MESP2: variants seen among roughly 807,000 people sequenced by gnomAD.
The protein encoded by MESP2 is mesoderm posterior bHLH transcription factor 2.
MESP2 carries 34 observed loss-of-function variants against 37.8 expected under a neutral mutation model. That is an observed-to-expected ratio of 0.90 (90% CI 0.68 to 1.20). The LOEUF (loss-of-function observed/expected upper bound fraction) is 1.20. Ranked by LOEUF, MESP2 falls within the 50% of genes most tolerant of loss-of-function variation. The pLI is 0.00. For synonymous variants in MESP2, 303 were observed against 251.6 expected (o/e 1.20, Z -1.93); for missense variants, 646 against 545.3 (o/e 1.18, Z -1.84).
rs76163582 is a variant in MESP2, at chr15:89,778,660, C to T, written c.*326C>T. 7.8e-3 allele frequency: 2,854 copies of T among 363,720 alleles called. 70 individuals carry two copies. Among genetic ancestry groups the T allele is most frequent in the African/African-American group, 0.055 (2,673 of 48,976 alleles). 22.5% of individuals were successfully genotyped at this position (363,720 alleles called of 1,614,324 possible). On this transcript the variant is annotated 3_prime_UTR_variant, in exon 2 of 2. Transcript: ENST00000341735. ...TGGGAGAATGGGTGTAGGAGGCAGG[C>T]CCCAGGCTCTGCTTCTTGGTGACAG...
intron 1 of MESP2, among the ~76,000 whole-genome samples, chr15:89,777,836 G>C (rs147621626): frequency 6.6e-6 from 1 of 152,286 alleles, no homozygotes; most frequent in African/African-American, 2.4e-5. Flanking sequence ...AGAAAACTGA[G>C]ACTAAAAGAA....
rs778162692 is a variant in MESP2, at chr15:89,777,056, C to G, written c.699C>G (p.Pro233=). 2.5e-6 allele frequency: 4 copies of G among 1,608,314 alleles called. No homozygotes were observed. The highest frequency in any genetic ancestry group is 3.4e-6 in the Non-Finnish European group (4 of 1,178,252). Residue 233 remains proline (P), a synonymous_variant, in exon 1 of 2, where the codon CCC becomes CCG. Coordinates refer to ENST00000341735, the MANE Select transcript of MESP2 (RefSeq NM_001039958.2). The part of the protein sequence containing the change: ...PSACPGAQAA[P]ERLGRGVHDT... The stretch of plus-strand genomic sequence containing the variant: ...CCTGCCCCGGAGCCCAAGCCGCACC[C>G]GAGCGCCTGGGGAGGGGGGTCCACG...
Position 89,777,285 on chromosome 15 carries a change from T to A in MESP2, c.924+4T>A, listed in dbSNP as rs919901592. On this transcript the variant is annotated splice_donor_region_variant and intron_variant, in intron 1 of 1. Transcript: ENST00000341735. ...GGAGCTGGCCGCAGTGTACCAGGTA[T>A]GTGTGGAGGCCCTTGCTGTGTTCCC... is the stretch of plus-strand genomic sequence containing the variant. The A allele has an allele frequency of 1.7e-5, 27 of 1,609,888 alleles. No homozygotes were observed. Among genetic ancestry groups the A allele is most frequent in the Non-Finnish European group, 2.2e-5 (26 of 1,178,796 alleles).
Position 89,776,502 on chromosome 15 carries a change from C to T in MESP2, c.145C>T (p.Arg49Cys), listed in dbSNP as rs934681838. The T allele has an allele frequency of 4.3e-5, 66 of 1,533,198 alleles. No individual in the cohort carries two copies. Among genetic ancestry groups the T allele is most frequent in the Non-Finnish European group, 5.6e-5 (64 of 1,145,782 alleles). The allele number at this position is 1,533,198 out of a possible 1,614,324, so 95.0% of individuals were successfully genotyped here. A position where few individuals can be genotyped will look rare whatever the true frequency, so the allele number is the denominator to read the frequency against. The change falls in exon 1 of 2, where the codon CGC becomes TGC. Residue 49 changes from arginine to cysteine, a missense_variant. By Grantham distance (180) the Arg-to-Cys change is radical. Transcript: ENST00000341735. ...GGGTTCGTGCCCCTGCGACGGCGCC[C>T]GCGGACTCCCGCAGCCACAGCCTCC... ...SSGSCPCDGA[R>C]GLPQPQPPSC... is the part of the protein sequence containing the mutation.
In MESP2 at chr15:89,777,099, A is replaced by G. The variant is rs749420045; in HGVS notation, c.742A>G (p.Thr248Ala). Residue 248 changes from threonine to alanine, a missense_variant, in exon 1 of 2, where the codon ACA becomes GCA. By Grantham distance (58) the Thr-to-Ala change is moderately conservative (BLOSUM62 0). Coordinates refer to ENST00000341735, the MANE Select transcript of MESP2 (RefSeq NM_001039958.2). ...RGVHDTDPWA[T>A]PPYCPKIQSP... ...GGTCCACGACACGGATCCCTGGGCA[A>G]CACCCCCTTACTGCCCCAAGATACA... The G allele has an allele frequency of 9.1e-5, 146 of 1,612,472 alleles. No individual in the cohort carries two copies. Among genetic ancestry groups the G allele is most frequent in the Non-Finnish European group, 1.2e-4 (141 of 1,179,892 alleles).
At chr15:89,777,994 C>G in intron 1 of MESP2, 71 bp from the exon 2 acceptor site, 7 of 1,604,134 alleles carry the variant, frequency 4.4e-6, no homozygotes, top group Non-Finnish European at 6.0e-6. Context: ...ACCATGGCAA[C>G]CAGCCAGATT....
intron 1 of MESP2, among the ~76,000 whole-genome samples, 200 bp from the exon 2 acceptor site, chr15:89,777,865 A>G (rs1968391446): frequency 6.6e-6 from 1 of 152,186 alleles, no homozygotes; most frequent in African/African-American, 2.4e-5. Flanking sequence ...AGTTCTCATT[A>G]CTAGTGAGTA....
Position 89,776,659 on chromosome 15 carries a change from T to C in MESP2, c.302T>C (p.Leu101Pro). Residue 101 changes from leucine to proline, a missense_variant, in exon 1 of 2, where the codon CTG becomes CCG. Transcript: ENST00000341735. The part of the protein sequence containing the change: ...KLRMRTLARA[L>P]HELRRFLPPS... The stretch of plus-strand genomic sequence containing the variant: ...CGCATGCGCACGCTGGCCCGCGCCC[T>C]GCACGAGTTGCGCCGCTTTCTGCCT... 2.6e-6 allele frequency: 4 copies of C among 1,535,546 alleles called. No individual in the cohort carries two copies. Among genetic ancestry groups the C allele is most frequent in the East Asian group, 2.6e-5 (1 of 39,200 alleles).
Position 89,776,818 on chromosome 15 carries a change from G to C in MESP2, c.461G>C (p.Gly154Ala), listed in dbSNP as rs1968372166. The C allele has an allele frequency of 1.4e-6, 2 of 1,465,488 alleles. No individual in the cohort carries two copies. Among genetic ancestry groups the C allele is most frequent in the South Asian group, 2.9e-5 (2 of 69,836 alleles). The allele number at this position is 1,465,488 out of a possible 1,614,324, so 90.8% of individuals were successfully genotyped here. A position where few individuals can be genotyped will look rare whatever the true frequency, so the allele number is the denominator to read the frequency against. The stretch of plus-strand genomic sequence containing the variant: ...CTGCAGTGCCGGCGCAGGCAGCGCG[G>C]GGACGCGGGGTCCCCTTGGGGCTGC... ...ESLQCRRRQR[G>A]DAGSPWGCPL... Residue 154 changes from glycine to alanine, a missense_variant, in exon 1 of 2, where the codon GGG becomes GCG. Physicochemically the swap from Gly to Ala is moderately conservative, Grantham distance 60 (BLOSUM62 0). Coordinates refer to ENST00000341735, the MANE Select transcript of MESP2 (RefSeq NM_001039958.2).
At position 89,778,003 on chromosome 15, in the gene MESP2, T is replaced by G; in HGVS notation, c.925-62T>G. The G allele has an allele frequency of 1.9e-6, 3 of 1,607,258 alleles. No homozygotes were observed. The Admixed American group carries it at 5.0e-5, about 27-fold the overall frequency. On this transcript the variant is annotated intron_variant, in intron 1 of 1. Transcript: ENST00000341735. ...AGCCATACCATGGCAACCAGCCAGA[T>G]TCAAGATCTCTGGATATCAGGGAGT...
In MESP2 at chr15:89,776,984, C is replaced by T; in HGVS notation, c.627C>T (p.Gly209=). 1.3e-6 allele frequency: 2 copies of T among 1,563,008 alleles called. No individual in the cohort carries two copies. Among genetic ancestry groups the T allele is most frequent in the Non-Finnish European group, 1.7e-6 (2 of 1,154,744 alleles). The stretch of plus-strand genomic sequence containing the variant: ...GGCAAGGGCAGGGGCGCAGGCCGGG[C>T]CTGGTCTCCGCCGTCCTCGCCGAGG... The part of the protein sequence containing the change: ...GQGQGQGRRP[G]LVSAVLAEAS... Residue 209 remains glycine (G), a synonymous_variant, in exon 1 of 2, where the codon GGC becomes GGT. Transcript: ENST00000341735.
At chr15:89,778,020 T>C (rs558760540) in intron 1 of MESP2, 45 bp from the exon 2 acceptor site, 1 of 1,611,334 alleles carries the variant, frequency 6.2e-7, no homozygotes, top group South Asian at 1.1e-5. Flanking sequence ...TCTCTGGATA[T>C]CAGGGAGTAG....
rs752785175 is a variant in MESP2, at chr15:89,777,034, GC to G, written c.681del (p.Gly228GlufsTer253). ...AEASWGSPSA[C>X]PGAQAAPERL... The stretch of plus-strand genomic sequence containing the variant: ...GCGTCCTGGGGATCCCCGTCCGCCT[GC>G]CCCGGAGCCCAAGCCGCACCCGAGC... On this transcript the variant is annotated frameshift_variant, in exon 1 of 2. Coordinates refer to ENST00000341735, the MANE Select transcript of MESP2 (RefSeq NM_001039958.2). LOFTEE classifies it high-confidence loss of function. 6.3e-7 allele frequency: 1 copy of G among 1,597,716 alleles called. No individual in the cohort carries two copies. Among genetic ancestry groups the G allele is most frequent in the Non-Finnish European group, 8.5e-7 (1 of 1,173,724 alleles).
Position 89,776,578 on chromosome 15 carries a change from C to T in MESP2, c.221C>T (p.Ala74Val). 1.3e-6 allele frequency: 2 copies of T among 1,530,970 alleles called. No homozygotes were observed. Among genetic ancestry groups the T allele is most frequent in the Non-Finnish European group, 8.7e-7 (1 of 1,144,910 alleles). 94.8% of individuals were successfully genotyped at this position (1,530,970 alleles called of 1,614,324 possible). A position where few individuals can be genotyped will look rare whatever the true frequency, so the allele number is the denominator to read the frequency against. Residue 74 changes from alanine to valine, a missense_variant, in exon 1 of 2, where the codon GCG becomes GTG. Coordinates refer to ENST00000341735, the MANE Select transcript of MESP2 (RefSeq NM_001039958.2). ...GCAGCCGCGACGACGCCCAGACGAGCGCGCACCGGACCAGCGGGCGGACAG... is the reference window on the plus strand; with the variant it reads ...GCAGCCGCGACGACGCCCAGACGAGTGCGCACCGGACCAGCGGGCGGACAG... ...AEAAATTPRR[A>V]RTGPAGGQRQ... is the part of the protein sequence containing the mutation.
Position 89,776,683 on chromosome 15 carries a change from C to A in MESP2, c.326C>A (p.Pro109His). ...RALHELRRFL[P>H]PSLAPAGQSL... Reference sequence around the variant, plus strand: ...CTGCACGAGTTGCGCCGCTTTCTGCCTCCCTCCTTGGCGCCGGCCGGCCAG... The same window carrying A: ...CTGCACGAGTTGCGCCGCTTTCTGCATCCCTCCTTGGCGCCGGCCGGCCAG... The change falls in exon 1 of 2, where the codon CCT (proline) becomes CAT (histidine). Residue 109 changes from proline (P) to histidine (H), a missense_variant. Transcript: ENST00000341735. The A allele has an allele frequency of 6.4e-7, 1 of 1,553,430 alleles. No homozygotes were observed. The highest frequency in any genetic ancestry group is 8.6e-7 in the Non-Finnish European group (1 of 1,156,492).
chr15:89,778,349 C>T lies in MESP2; in HGVS notation c.*15C>T. The T allele has an allele frequency of 1.9e-6, 3 of 1,613,002 alleles. No homozygotes were observed. Among genetic ancestry groups the T allele is most frequent in the African/African-American group, 1.3e-5 (1 of 75,064 alleles). On this transcript the variant is annotated 3_prime_UTR_variant, in exon 2 of 2. Coordinates refer to ENST00000341735, the MANE Select transcript of MESP2 (RefSeq NM_001039958.2). Reference sequence around the variant, plus strand: ...TCTTCTACTAAATGGCCTCGGCTTCCCTCTTTCCATCCAGGAATCAGTCCT... The same window carrying T: ...TCTTCTACTAAATGGCCTCGGCTTCTCTCTTTCCATCCAGGAATCAGTCCT...
At position 89,777,019 on chromosome 15, in the gene MESP2, G is replaced by A. The variant is rs763014555; in HGVS notation, c.662G>A (p.Gly221Glu). Residue 221 changes from glycine (G) to glutamate (E), a missense_variant, in exon 1 of 2, where the codon GGA (glycine) becomes GAA (glutamate). Coordinates refer to ENST00000341735, the MANE Select transcript of MESP2 (RefSeq NM_001039958.2). ...GCCGTCCTCGCCGAGGCGTCCTGGG[G>A]ATCCCCGTCCGCCTGCCCCGGAGCC... ...VSAVLAEASW[G>E]SPSACPGAQA... 5 of 1,587,060 alleles carry A rather than the reference G, an allele frequency of 3.2e-6. No homozygotes were observed. The East Asian group carries it at 9.4e-5, about 30-fold the overall frequency.
Position 89,778,120 on chromosome 15 carries a change from C to T in MESP2, c.980C>T (p.Pro327Leu), listed in dbSNP as rs760177391. ...CLSLGAPSLL[P>L]HPSCQRLQPQ... ...TCGCTGGGAGCTCCATCTCTCCTGC[C>T]CCACCCATCATGCCAGAGACTGCAG... The change falls in exon 2 of 2, where the codon CCC becomes CTC. Residue 327 changes from proline (P) to leucine (L), a missense_variant. Pro to Leu is a moderately conservative substitution (Grantham distance 98). Coordinates refer to ENST00000341735, the MANE Select transcript of MESP2 (RefSeq NM_001039958.2). 1.9e-6 allele frequency: 3 copies of T among 1,613,850 alleles called. No homozygotes were observed. Among genetic ancestry groups the T allele is most frequent in the Admixed American group, 1.7e-5 (1 of 60,020 alleles).
At chr15:89,777,577 G>A (rs1330244468) in intron 1 of MESP2, among the ~76,000 whole-genome samples, 6 of 152,260 alleles carry the variant, frequency 3.9e-5, no homozygotes, top group African/African-American at 1.4e-4. Flanking sequence ...AGTGGGGGAA[G>A]GAAGTCCCAG....
Sources: allele counts gnomAD v4.1 joint callset (sites outside exome capture counted in the v4.1 genomes callset), GRCh38; gene constraint gnomAD v4.1.1; transcripts MANE v1.5; gene names NCBI Gene and HGNC (gene_info 2026-07-23, HGNC 2026-07-21).